Variants in TADA3 observed in about 807,000 individuals in gnomAD.
The protein encoded by TADA3 is transcriptional adapter 3.
In TADA3, 25 loss-of-function variants were observed where a neutral mutation model predicts 43.2. The ratio of observed to expected loss-of-function variants is 0.58; its 90% CI spans 0.42 to 0.81. TADA3 has a LOEUF of 0.81. Ranked by LOEUF, TADA3 falls within the 30% of genes least tolerant of loss-of-function variation. The probability of loss-of-function intolerance (pLI) is 0.00; values close to 1 mark genes in which losing one functional copy is unlikely to be tolerated. For synonymous variants in TADA3, 235 were observed against 225.5 expected (o/e 1.04, Z -0.38); for missense variants, 441 against 567.8 (o/e 0.78, Z 2.27).
Position 9,791,332 on chromosome 3 carries a change from G to A in TADA3, c.135C>T (p.Thr45=). ...DDGIGIEELD[T]LQLELETLLS... is the part of the protein sequence containing the mutation. ...GCAGGGTCTCCAGCTCCAGCTGCAG[G>A]GTGTCCAGCTCCTCGATGCCGATGC... The change falls in exon 2 of 9, where the codon ACC becomes ACT. Residue 45 remains threonine, a synonymous_variant. Coordinates refer to ENST00000301964, the MANE Select transcript of TADA3 (RefSeq NM_006354.5). The A allele has an allele frequency of 6.2e-7, 1 of 1,614,160 alleles. No homozygotes were observed. The highest frequency in any genetic ancestry group is 8.5e-7 in the Non-Finnish European group (1 of 1,180,050).
In TADA3 at chr3:9,787,006, C is replaced by T. The variant is rs1277993137; in HGVS notation, c.810G>A (p.Glu270=). Residue 270 remains glutamate (E), a splice_region_variant and synonymous_variant, in exon 6 of 9, where the codon GAG becomes GAA. Coordinates refer to ENST00000301964, the MANE Select transcript of TADA3 (RefSeq NM_006354.5). ...LTQRLLQALV[E]ENIISPMEDS... is the part of the protein sequence containing the mutation. ...TCCTCTTTTGGGTTAGGCTGCTCAC[C>T]TCCACCAGGGCCTGCAGGAGGCGCT... 1.2e-6 allele frequency: 2 copies of T among 1,613,848 alleles called. No homozygotes were observed. Among genetic ancestry groups the T allele is most frequent in the African/African-American group, 1.3e-5 (1 of 74,916 alleles).
At chr3:9,788,154 T>C (rs1489857756) in intron 4 of TADA3, 2 of 156,806 alleles carry the variant, frequency 1.3e-5, no homozygotes, top group Admixed American at 6.1e-5. Context: ...AGCTCACCTA[T>C]GGGAGGATTC....
intron 8 of TADA3, chr3:9,783,156 T>A (rs1228299566): frequency 1.3e-5 from 2 of 152,242 alleles, no homozygotes; most frequent in South Asian, 4.1e-4. Context: ...ATGTTTATTG[T>A]ATGATTCTTT....
In TADA3 at chr3:9,784,170, GCTC is replaced by G. The variant is rs1415732032; in HGVS notation, c.961_963del (p.Glu321del). The G allele has an allele frequency of 6.2e-7, 1 of 1,613,886 alleles. No homozygotes were observed. Among genetic ancestry groups the G allele is most frequent in the Non-Finnish European group, 8.5e-7 (1 of 1,179,918 alleles). On this transcript the variant is annotated inframe_deletion, in exon 8 of 9. Coordinates refer to ENST00000301964, the MANE Select transcript of TADA3 (RefSeq NM_006354.5). Reference sequence around the variant, plus strand: ...GACTCCAAAAGGCCCTGGGCAATTAGCTCCTCCTTGATGCGGCTCTCCAGGGAC... The same window carrying G: ...GACTCCAAAAGGCCCTGGGCAATTAGCTCCTTGATGCGGCTCTCCAGGGAC...
At chr3:9,791,550 C>A in intron 1 of TADA3, 57 bp from the exon 2 acceptor site, 1 of 1,061,256 alleles carries the variant, frequency 9.4e-7, no homozygotes, top group South Asian at 1.6e-5. Flanking sequence ...AGCCCAAGGG[C>A]TTCTTACCTC....
chr3:9,781,833 CTTTTTTTTTTTTT>C (rs35246642), intron 8 of TADA3, among the ~76,000 whole-genome samples: 3 of 86,892 alleles, frequency 3.5e-5, no homozygotes, highest in South Asian at 4.6e-4. Flanking sequence ...CCCATTACTT[CTTTTTTTTTTTTT>C]TTTTTTTTTT....
intron 8 of TADA3, chr3:9,781,657 G>T (rs955859405): frequency 4.6e-6 from 2 of 436,030 alleles, no homozygotes; most frequent in Admixed American, 4.7e-5. Context: ...ACATTTCATC[G>T]ATGGTGGAGC....
upstream of TADA3, chr3:9,792,544 C>T (rs2125631067): frequency 2.4e-6 from 3 of 1,225,028 alleles, no homozygotes; most frequent in Non-Finnish European, 3.0e-6. Flanking sequence ...CTGGAGTTTG[C>T]CGGGGGTGGG....
At chr3:9,780,690 A>C in intron 8 of TADA3, 141 bp from the exon 9 acceptor site, 1 of 738,522 alleles carries the variant, frequency 1.4e-6, no homozygotes. Flanking sequence ...AAAAGCAGTT[A>C]CTGACCTACA....
intron 6 of TADA3, among the ~76,000 whole-genome samples, chr3:9,786,345 A>G (rs2078610617): frequency 6.6e-6 from 1 of 152,198 alleles, no homozygotes; most frequent in Admixed American, 6.5e-5. Context: ...GATATGAGAT[A>G]GAGACCTGCC....
At chr3:9,790,361 G>C (rs2078702072) in intron 2 of TADA3, among the ~76,000 whole-genome samples, 1 of 152,296 alleles carries the variant, frequency 6.6e-6, no homozygotes, top group East Asian at 1.9e-4. Context: ...CTTCCTCAAG[G>C]AGGGTCCATG....
chr3:9,792,957 C>G, upstream of TADA3: 1 of 1,410,704 alleles, frequency 7.1e-7, no homozygotes. Context: ...TGGAAAACTT[C>G]CGGAAGGCCC....
intron 4 of TADA3, among the ~76,000 whole-genome samples, chr3:9,788,896 C>T (rs1470497409): frequency 6.7e-6 from 1 of 150,242 alleles, no homozygotes; most frequent in African/African-American, 2.5e-5. Context: ...AGTGCAGTGG[C>T]GTGATCTCGG....
intron 6 of TADA3, 36 bp from the exon 7 acceptor site, chr3:9,785,461 G>T: frequency 7.0e-7 from 1 of 1,430,600 alleles, no homozygotes; most frequent in Non-Finnish European, 9.8e-7. Flanking sequence ...AGGAAAAATA[G>T]CTGTTCCACT....
intron 2 of TADA3, among the ~76,000 whole-genome samples, chr3:9,790,655 A>G (rs1159670288): frequency 2.0e-5 from 3 of 152,346 alleles, no homozygotes; most frequent in East Asian, 1.9e-4. Flanking sequence ...TAGCAAATAA[A>G]TAACATCTGA....
Position 9,791,395 on chromosome 3 carries a change from G to A in TADA3, c.72C>T (p.Pro24=), listed in dbSNP as rs1240723119. The change falls in exon 2 of 9, where the codon CCC becomes CCT. Residue 24 remains proline, a synonymous_variant. Coordinates refer to ENST00000301964, the MANE Select transcript of TADA3 (RefSeq NM_006354.5). ...AGCGTGCCAGCACTGCCGTGTAGCG[G>A]GGACAGACCTTCAGGTGATCCACAG... The part of the protein sequence containing the change: ...FKSVDHLKVC[P]RYTAVLARSE... 2 of 1,614,178 alleles carry A rather than the reference G, an allele frequency of 1.2e-6. No individual in the cohort carries two copies. Among genetic ancestry groups the A allele is most frequent in the East Asian group, 2.2e-5 (1 of 44,886 alleles).
intron 4 of TADA3, among the ~76,000 whole-genome samples, chr3:9,788,858 C>T (rs1261844666): frequency 4.1e-5 from 6 of 145,738 alleles, no homozygotes; most frequent in Admixed American, 1.4e-4. Context: ...TTTTTGGAGA[C>T]GGAGTCTTGC....
intron 2 of TADA3, 131 bp downstream of exon 2, chr3:9,791,129 A>G: frequency 2.5e-6 from 2 of 803,292 alleles, no homozygotes; most frequent in South Asian, 1.8e-5. Context: ...ATGCAAACCC[A>G]GTTTGCGTCT....
At chr3:9,790,021 T>C in intron 2 of TADA3, 58 bp from the exon 3 acceptor site, 1 of 1,515,936 alleles carries the variant, frequency 6.6e-7, no homozygotes, top group South Asian at 1.3e-5. Flanking sequence ...AATATCTCTT[T>C]CCTCTAGTGA....
Sources: gnomAD v4.1 joint callset for allele counts (sites outside exome capture counted in the v4.1 genomes callset) on GRCh38, gnomAD v4.1.1 for gene constraint, MANE v1.5 for transcripts, NCBI Gene and HGNC (gene_info 2026-07-23, HGNC 2026-07-21) for gene names.